GRB10: variants seen among roughly 807,000 people sequenced by gnomAD.
GRB10 encodes growth factor receptor bound protein 10.
A neutral mutation model predicts 80.9 loss-of-function variants in GRB10; 20 were observed. The observed-to-expected ratio is 0.25, with a 90% CI of 0.17 to 0.36. The LOEUF is 0.36. GRB10 is among the 10% of genes least tolerant of loss of function. GRB10 has a pLI of 1.00. For synonymous variants in GRB10, 291 were observed against 291.5 expected, an observed-to-expected ratio of 1.00 and a Z score of 0.02; for missense variants, 548 against 747.7, an observed-to-expected ratio of 0.73 and a Z score of 3.12.
upstream of GRB10, among the ~76,000 whole-genome samples, chr7:50,785,109 T>C (rs1588135605): frequency 6.6e-6 from 1 of 152,116 alleles, no homozygotes; most frequent in Non-Finnish European, 1.5e-5. Flanking sequence ...CAGCAGCTCC[T>C]GGAGCAGCAC....
At chr7:50,756,508 T>G (rs1273760231) in intron 2 of GRB10, among the ~76,000 whole-genome samples, 1 of 152,216 alleles carries the variant, frequency 6.6e-6, no homozygotes, top group Non-Finnish European at 1.5e-5. Flanking sequence ...CCTGGTACTG[T>G]TCTCAGCAGA....
In GRB10 at chr7:50,637,718, CAA is replaced by C. The variant is rs59247142; in HGVS notation, c.505-10742_505-10741del. Among the ~76,000 whole-genome samples the C allele has an allele frequency of 8.5e-4, 126 of 148,662 alleles. 1 individual carries two copies. The highest frequency in any genetic ancestry group is 3.5e-3 in the Middle Eastern group (1 of 286). Reference sequence around the variant, plus strand: ...AAAAGATTGTAAAGTTCATGTGGAACAAAAAAAAAAAAAGAGCTTGAATAGCC... The same window carrying C: ...AAAAGATTGTAAAGTTCATGTGGAACAAAAAAAAAAAGAGCTTGAATAGCC... On this transcript the variant is annotated intron_variant, in intron 7 of 18. Coordinates refer to ENST00000401949, the MANE Select transcript of GRB10 (RefSeq NM_001350814.2).
At chr7:50,644,019 T>C (rs1023877728) in intron 7 of GRB10, among the ~76,000 whole-genome samples, 3 of 152,274 alleles carry the variant, frequency 2.0e-5, no homozygotes, top group Middle Eastern at 6.8e-3. Context: ...TCTTTTCCCA[T>C]AGTAACGATC....
intron 17 of GRB10, among the ~76,000 whole-genome samples, chr7:50,600,831 C>A (rs760053184): frequency 3.3e-5 from 5 of 152,196 alleles, no homozygotes; most frequent in Non-Finnish European, 7.3e-5. Context: ...AGTAAGCCTG[C>A]TGAGGGACTC....
At chr7:50,739,550 A>T (rs545692607) in intron 3 of GRB10, among the ~76,000 whole-genome samples, 2 of 152,314 alleles carry the variant, frequency 1.3e-5, no homozygotes, top group East Asian at 3.9e-4. Flanking sequence ...ATGGCAACGT[A>T]CTAAGTGCAT....
At chr7:50,790,579 G>T (rs1451919990) in intron 1 of GRB10, among the ~76,000 whole-genome samples, 1 of 152,246 alleles carries the variant, frequency 6.6e-6, no homozygotes, top group Non-Finnish European at 1.5e-5. Flanking sequence ...CCCCTCCAGG[G>T]AGCAGGACCA....
chr7:50,724,600 T>G lies in GRB10; in HGVS notation c.51+7672A>C, dbSNP rs556489597. On this transcript the variant is annotated intron_variant, in intron 4 of 18. Coordinates refer to ENST00000401949, the MANE Select transcript of GRB10 (RefSeq NM_001350814.2). Reference sequence around the variant, plus strand: ...CCGCCCAGCTCTGAGCTGGTCAGTCTCATCTGAAGTGTTGATTAGTTCTGG... The same window carrying G: ...CCGCCCAGCTCTGAGCTGGTCAGTCGCATCTGAAGTGTTGATTAGTTCTGG... 5.9e-5 allele frequency among the ~76,000 whole-genome samples: 9 copies of G among 152,252 alleles called. No individual in the cohort carries two copies. The East Asian group carries it at 1.7e-3, about 30-fold the overall frequency.
intron 5 of GRB10, among the ~76,000 whole-genome samples, chr7:50,689,308 GC>G (rs1412062952): frequency 2.0e-5 from 3 of 152,228 alleles, no homozygotes; most frequent in African/African-American, 7.2e-5. Flanking sequence ...GAAGCCTGCT[GC>G]AATTATTTTT....
At chr7:50,659,480 T>C (rs923087090) in intron 7 of GRB10, among the ~76,000 whole-genome samples, 10 of 152,266 alleles carry the variant, frequency 6.6e-5, no homozygotes, top group Non-Finnish European at 1.5e-4. Flanking sequence ...TTGGCTCAAA[T>C]GCAATGCTCA....
At chr7:50,737,008 G>A (rs541580555) in intron 3 of GRB10, among the ~76,000 whole-genome samples, 2 of 152,274 alleles carry the variant, frequency 1.3e-5, no homozygotes, top group African/African-American at 4.8e-5. Context: ...TGACACCAAA[G>A]GTGCAGGCCG....
rs537442023 is a variant in GRB10, at chr7:50,713,551, ACCTCCACCT to A, written c.52-9652_52-9644del. Among the ~76,000 whole-genome samples the A allele has an allele frequency of 2.4e-3, 261 of 110,272 alleles. 1 individual carries two copies. The highest frequency in any genetic ancestry group is 8.9e-3 in the African/African-American group (252 of 28,172). The allele number at this position is 110,272 out of a possible 152,430, so 72.3% of individuals were successfully genotyped here. On this transcript the variant is annotated intron_variant, in intron 4 of 18. Transcript: ENST00000401949. ...CTCCACCTCCTCTGCTACCTCTATC[ACCTCCACCT>A]CCTCCACCATCTCCATCCTCACCTC...
At chr7:50,737,369 T>C (rs1028963966) in intron 3 of GRB10, among the ~76,000 whole-genome samples, 24 of 152,326 alleles carry the variant, frequency 1.6e-4, no homozygotes, top group Middle Eastern at 3.4e-3. Context: ...TCTTCACTCT[T>C]TCTCCTGCTC....
At chr7:50,619,736 CTTGGTTGCCAGAAAAG>C in intron 8 of GRB10, among the ~76,000 whole-genome samples, 1 of 152,320 alleles carries the variant, frequency 6.6e-6, no homozygotes, top group Non-Finnish European at 1.5e-5. Flanking sequence ...TGACATCAAA[CTTGGTTGCCAGAAAAG>C]ATGGTGCTGT....
chr7:50,762,333 T>TA (rs1032162792), intron 2 of GRB10, among the ~76,000 whole-genome samples: 1 of 148,682 alleles, frequency 6.7e-6, no homozygotes, highest in Non-Finnish European at 1.5e-5. Context: ...TTGAAGAAAA[T>TA]AAAAAATTTT....
In GRB10 at chr7:50,742,129, G is replaced by A. The variant is rs1411393932; in HGVS notation, c.-46-9761C>T. On this transcript the variant is annotated intron_variant, in intron 3 of 18. Coordinates refer to ENST00000401949, the MANE Select transcript of GRB10 (RefSeq NM_001350814.2). ...CCTACCAATATAAAGAAAGTGAATGGACTTGGATGGAAGAACCAATCAATG... is the reference window on the plus strand; with the variant it reads ...CCTACCAATATAAAGAAAGTGAATGAACTTGGATGGAAGAACCAATCAATG... Among the ~76,000 whole-genome samples, 5 of 152,254 alleles carry A rather than the reference G, an allele frequency of 3.3e-5. No homozygotes were observed. In the East Asian group the frequency reaches 9.6e-4, roughly 29 times the overall value.
At chr7:50,708,527 G>A (rs979635316) in intron 4 of GRB10, among the ~76,000 whole-genome samples, 1 of 152,180 alleles carries the variant, frequency 6.6e-6, no homozygotes, top group Admixed American at 6.5e-5. Context: ...GCAGGGTAAT[G>A]AACACAGGGA....
chr7:50,732,260 G>A lies in GRB10; in HGVS notation c.51+12C>T, dbSNP rs2069920747. 6.2e-7 allele frequency: 1 copy of A among 1,613,584 alleles called. No homozygotes were observed. The highest frequency in any genetic ancestry group is 1.1e-5 in the South Asian group (1 of 91,074). On this transcript the variant is annotated intron_variant, in intron 4 of 18. Coordinates refer to ENST00000401949, the MANE Select transcript of GRB10 (RefSeq NM_001350814.2). ...CATCGGGCCAGGATCAGATATATGT[G>A]CTCGCCCATACCTGGTAGTACGGAT...
chr7:50,709,256 C>T (rs865905941), intron 4 of GRB10, among the ~76,000 whole-genome samples: 6 of 152,192 alleles, frequency 3.9e-5, no homozygotes, highest in Admixed American at 1.3e-4. Context: ...TGAGCCATCT[C>T]CTGTAACAGA....
intron 6 of GRB10, among the ~76,000 whole-genome samples, chr7:50,671,644 C>T (rs1162182412): frequency 1.3e-5 from 2 of 152,240 alleles, no homozygotes; most frequent in Non-Finnish European, 2.9e-5. Context: ...CCAACTGAAA[C>T]GTCTGGCCAT....
Sources: gnomAD v4.1 joint callset for allele counts (sites outside exome capture counted in the v4.1 genomes callset) on GRCh38, gnomAD v4.1.1 for gene constraint, MANE v1.5 for transcripts, NCBI Gene and HGNC (gene_info 2026-07-23, HGNC 2026-07-21) for gene names.